SLC4A10: variants seen among roughly 807,000 people sequenced by gnomAD.
SLC4A10 encodes the protein sodium-driven chloride bicarbonate exchanger.
SLC4A10 carries 42 observed loss-of-function variants against 137.7 expected under a neutral mutation model. The ratio of observed to expected loss-of-function variants is 0.30; its 90% CI spans 0.24 to 0.39. The LOEUF is 0.39. Among genes scored for constraint, SLC4A10 ranks in the 10% least tolerant of loss-of-function variants. The pLI, the probability that SLC4A10 is intolerant of heterozygous loss-of-function variation, is 1.00. For synonymous variants in SLC4A10, 474 were observed against 464.1 expected (o/e 1.02, Z -0.27); for missense variants, 925 against 1,355.0 (o/e 0.68, Z 4.98).
At chr2:161,761,862 C>T (rs566679726) in intron 1 of SLC4A10, among the ~76,000 whole-genome samples, 1 of 152,150 alleles carries the variant, frequency 6.6e-6, no homozygotes, top group Admixed American at 6.6e-5. Context: ...CAGACCAGAC[C>T]CTCCCTGACC....
intron 4 of SLC4A10, among the ~76,000 whole-genome samples, chr2:161,845,220 G>C (rs1221101271): frequency 2.6e-5 from 4 of 152,128 alleles, no homozygotes; most frequent in African/African-American, 9.7e-5. Context: ...ACAGAAAAGA[G>C]AGATATAGTT....
chr2:161,898,544 A>G (rs904090555), intron 11 of SLC4A10, among the ~76,000 whole-genome samples: 1 of 152,110 alleles, frequency 6.6e-6, no homozygotes, highest in Admixed American at 6.6e-5. Context: ...GATCATTTCC[A>G]TCTTTTTTAT....
rs151310070 is a variant in SLC4A10, at chr2:161,628,250, G to A, written c.48+3684G>A. Among the ~76,000 whole-genome samples, 196 of 152,090 alleles carry A rather than the reference G, an allele frequency of 1.3e-3. 6 individuals carry two copies. The East Asian group carries it at 0.033, about 26-fold the overall frequency. ...ATAACTTATATTTATATCTCATGAC[G>A]TTTAATCTTGGGTGATCTACAGTGA... On this transcript the variant is annotated intron_variant, in intron 1 of 26. Coordinates refer to ENST00000446997, the MANE Select transcript of SLC4A10 (RefSeq NM_001178015.2).
In SLC4A10 at chr2:161,842,446, T is replaced by G. The variant is rs187252940; in HGVS notation, c.416+2519T>G. Among the ~76,000 whole-genome samples, 62 of 152,222 alleles carry G rather than the reference T, an allele frequency of 4.1e-4. 1 individual carries two copies. The East Asian group carries it at 9.4e-3, about 23-fold the overall frequency. On this transcript the variant is annotated intron_variant, in intron 4 of 26. Transcript: ENST00000446997. Reference sequence around the variant, plus strand: ...AAATTATTAGTGAGGTACAACATCTTTTCCTATGTTTTTATTTTTTTCATG... The same window carrying G: ...AAATTATTAGTGAGGTACAACATCTGTTCCTATGTTTTTATTTTTTTCATG...
In SLC4A10 at chr2:161,873,944, C is replaced by A. The variant is rs754250799; in HGVS notation, c.887C>A (p.Thr296Asn). The A allele has an allele frequency of 6.3e-7, 1 of 1,594,972 alleles. No homozygotes were observed. Among genetic ancestry groups the A allele is most frequent in the Non-Finnish European group, 8.5e-7 (1 of 1,178,250 alleles). Residue 296 changes from threonine (T) to asparagine (N), a missense_variant, in exon 8 of 27, where the codon ACT becomes AAT. By Grantham distance (65) the Thr-to-Asn change is moderately conservative. Coordinates refer to ENST00000446997, the MANE Select transcript of SLC4A10 (RefSeq NM_001178015.2). The stretch of plus-strand genomic sequence containing the variant: ...CTGGGAGGCCAACAAAAGGGGCATA[C>A]TAGTCCATGTGGGATGAAACAAAGG... ...KGLGGQQKGH[T>N]SPCGMKQRHE...
chr2:161,636,239 A>G (rs577558102), intron 1 of SLC4A10, among the ~76,000 whole-genome samples: 1 of 152,220 alleles, frequency 6.6e-6, no homozygotes, highest in East Asian at 1.9e-4. Flanking sequence ...GAGATCATGC[A>G]GTATTTGTCC....
intron 1 of SLC4A10, among the ~76,000 whole-genome samples, chr2:161,660,356 C>T (rs746267407): frequency 5.3e-5 from 8 of 152,152 alleles, no homozygotes; most frequent in Non-Finnish European, 1.0e-4. Context: ...TCGTGTGGCA[C>T]GTTCCATCTG....
chr2:161,705,964 A>G (rs1179420661), intron 1 of SLC4A10, among the ~76,000 whole-genome samples: 2 of 151,642 alleles, frequency 1.3e-5, no homozygotes, highest in African/African-American at 2.4e-5. Flanking sequence ...TAACACTGGT[A>G]TGAGTAACAT....
intron 1 of SLC4A10, among the ~76,000 whole-genome samples, chr2:161,746,615 C>T (rs182011249): frequency 1.4e-4 from 22 of 152,102 alleles, no homozygotes; most frequent in Admixed American, 1.4e-3. Flanking sequence ...TACCAAAGTC[C>T]CTTTTACTCT....
chr2:161,953,101 T>A (rs1418434326), intron 19 of SLC4A10, among the ~76,000 whole-genome samples: 1 of 152,184 alleles, frequency 6.6e-6, no homozygotes, highest in African/African-American at 2.4e-5. Flanking sequence ...TCCCCGAAAT[T>A]GTTTAATGAA....
intron 17 of SLC4A10, among the ~76,000 whole-genome samples, chr2:161,948,064 A>G (rs1222247979): frequency 6.6e-6 from 1 of 152,108 alleles, no homozygotes; most frequent in Non-Finnish European, 1.5e-5. Context: ...AGAGGAGCCT[A>G]TGTTACATTC....
intron 1 of SLC4A10, among the ~76,000 whole-genome samples, chr2:161,750,015 T>C (rs1231336055): frequency 6.6e-6 from 1 of 151,838 alleles, no homozygotes; most frequent in Non-Finnish European, 1.5e-5. Flanking sequence ...CCATTTCCTA[T>C]AAGTATTCCA....
intron 4 of SLC4A10, among the ~76,000 whole-genome samples, chr2:161,850,107 T>G (rs1249532861): frequency 6.6e-6 from 1 of 152,090 alleles, no homozygotes; most frequent in African/African-American, 2.4e-5. Flanking sequence ...TCTTTCTGGT[T>G]AGGCCAGGTA....
intron 26 of SLC4A10, among the ~76,000 whole-genome samples, chr2:161,982,191 G>A (rs964212980): frequency 7.2e-5 from 11 of 152,114 alleles, no homozygotes; most frequent in Non-Finnish European, 1.6e-4. Flanking sequence ...TACAGCCCAG[G>A]GCCTCAGTAG....
chr2:161,714,816 C>T (rs959947589), intron 1 of SLC4A10, among the ~76,000 whole-genome samples: 6 of 151,846 alleles, frequency 4.0e-5, no homozygotes, highest in East Asian at 1.9e-4. Flanking sequence ...GACACTAATA[C>T]GTTAATCTCT....
chr2:161,839,202 TA>T (rs1312143483), intron 3 of SLC4A10, among the ~76,000 whole-genome samples: 1 of 152,204 alleles, frequency 6.6e-6, no homozygotes, highest in Non-Finnish European at 1.5e-5. Flanking sequence ...GCTAAGTGAA[TA>T]AAGCCAGTCT....
intron 2 of SLC4A10, among the ~76,000 whole-genome samples, chr2:161,785,413 A>C (rs2053510937): frequency 6.6e-6 from 1 of 151,734 alleles, no homozygotes; most frequent in South Asian, 2.1e-4. Context: ...AAGACACTGC[A>C]AGATAAGAAA....
intron 5 of SLC4A10, among the ~76,000 whole-genome samples, chr2:161,861,638 A>G (rs550185732): frequency 6.6e-6 from 1 of 152,334 alleles, no homozygotes; most frequent in African/African-American, 2.4e-5. Context: ...CCAGGAACCC[A>G]TAATCTACAT....
intron 15 of SLC4A10, among the ~76,000 whole-genome samples, chr2:161,939,300 C>T (rs916765174): frequency 1.3e-5 from 2 of 152,128 alleles, no homozygotes; most frequent in Non-Finnish European, 2.9e-5. Context: ...TGGTCTCGAT[C>T]TCTTGACCTT....
Sources: gnomAD v4.1 joint callset for allele counts (sites outside exome capture counted in the v4.1 genomes callset) on GRCh38, gnomAD v4.1.1 for gene constraint, MANE v1.5 for transcripts, NCBI Gene and HGNC (gene_info 2026-07-23, HGNC 2026-07-21) for gene names.